The following FANCL variants were observed in gnomAD, a reference collection of about 807,000 sequenced individuals.
The protein encoded by FANCL is FA complementation group L.
A neutral mutation model predicts 59.4 loss-of-function variants in FANCL; 69 were observed. That is an observed-to-expected ratio of 1.16 (90% CI 0.96 to 1.42). FANCL has a LOEUF of 1.42. Among genes scored for constraint, FANCL ranks in the 40% most tolerant of loss-of-function variants. FANCL has a pLI of 0.00. For synonymous variants in FANCL, 180 were observed against 147.1 expected, an observed-to-expected ratio of 1.22 and a Z score of -1.62; for missense variants, 519 against 447.2, an observed-to-expected ratio of 1.16 and a Z score of -1.45.
At chr2:58,189,285 A>T (rs984799176) in intron 7 of FANCL, among the ~76,000 whole-genome samples, 4 of 152,178 alleles carry the variant, frequency 2.6e-5, no homozygotes, top group Non-Finnish European at 4.4e-5. Flanking sequence ...AAAGCTATTT[A>T]AAAAACCAGT....
intron 5 of FANCL, among the ~76,000 whole-genome samples, chr2:58,218,373 TTAAA>T (rs1383641380): frequency 2.0e-5 from 3 of 151,862 alleles, no homozygotes; most frequent in African/African-American, 7.2e-5. Context: ...TTGAAAAAAC[TTAAA>T]TAATTGATAT....
At chr2:58,163,777 T>C (rs1352597914) in intron 8 of FANCL, among the ~76,000 whole-genome samples, 2 of 152,044 alleles carry the variant, frequency 1.3e-5, no homozygotes, top group Middle Eastern at 3.2e-3. Flanking sequence ...TCTGGTCAAC[T>C]GTATTAAAGT....
chr2:58,181,294 G>A (rs940173975), intron 7 of FANCL, among the ~76,000 whole-genome samples: 1 of 152,068 alleles, frequency 6.6e-6, no homozygotes, highest in Non-Finnish European at 1.5e-5. Flanking sequence ...ATAAGCCTAT[G>A]TAGGAAAGAG....
chr2:58,212,907 A>G (rs188503140), intron 5 of FANCL, among the ~76,000 whole-genome samples: 1 of 152,358 alleles, frequency 6.6e-6, no homozygotes, highest in African/African-American at 2.4e-5. Flanking sequence ...TATTATTTCC[A>G]TATTTCTTTC....
At chr2:58,172,007 A>G (rs1245151155) in intron 7 of FANCL, among the ~76,000 whole-genome samples, 1 of 152,226 alleles carries the variant, frequency 6.6e-6, no homozygotes, top group African/African-American at 2.4e-5. Flanking sequence ...CTAGCACAGC[A>G]GTCTAAGATC....
At chr2:58,218,531 T>C (rs1227853379) in intron 5 of FANCL, among the ~76,000 whole-genome samples, 4 of 151,848 alleles carry the variant, frequency 2.6e-5, no homozygotes, top group African/African-American at 9.7e-5. Context: ...ACAATCTGTG[T>C]TACAAATATG....
intron 5 of FANCL, among the ~76,000 whole-genome samples, chr2:58,217,631 A>G (rs1691983675): frequency 6.6e-6 from 1 of 152,042 alleles, no homozygotes; most frequent in Admixed American, 6.5e-5. Flanking sequence ...AGGGAAAACC[A>G]ACAAGGAAGA....
chr2:58,187,719 T>C (rs1688545033), intron 7 of FANCL, among the ~76,000 whole-genome samples: 1 of 152,166 alleles, frequency 6.6e-6, no homozygotes, highest in African/African-American at 2.4e-5. Flanking sequence ...AATAAATTTA[T>C]ATAAAGCTTT....
intron 11 of FANCL, 28 bp from the exon 12 acceptor site, chr2:58,161,666 C>T (rs945542654): frequency 1.7e-5 from 25 of 1,432,202 alleles, no homozygotes; most frequent in African/African-American, 4.2e-5. Flanking sequence ...TTATAAAAAG[C>T]GTATGTGTCT....
intron 4 of FANCL, among the ~76,000 whole-genome samples, chr2:58,223,358 T>G (rs1573784285): frequency 6.6e-6 from 1 of 152,002 alleles, no homozygotes; most frequent in African/African-American, 2.4e-5. Context: ...CTACTAGTTA[T>G]TAAATAAAAT....
In FANCL at chr2:58,165,775, G is replaced by C. The variant is rs765926796; in HGVS notation, c.640C>G (p.Leu214Val). ...MDEIDEKTWV[L>V]EPEKPPRSAT... ...CTCCGTGGAGGTTTTTCTGGCTCAA[G>C]TACCCAGGTCTTCTCATCGATTTCA... Residue 214 changes from leucine (L) to valine (V), a missense_variant, in exon 8 of 14, where the codon CTT becomes GTT. Transcript: ENST00000233741. 1.9e-6 allele frequency: 3 copies of C among 1,614,054 alleles called. No homozygotes were observed. Among genetic ancestry groups the C allele is most frequent in the Non-Finnish European group, 2.5e-6 (3 of 1,179,984 alleles).
At chr2:58,170,366 T>C (rs577268399) in intron 7 of FANCL, among the ~76,000 whole-genome samples, 1 of 152,306 alleles carries the variant, frequency 6.6e-6, no homozygotes, top group South Asian at 2.1e-4. Context: ...AGGCCTGCCT[T>C]ACAAGAGCTC....
At chr2:58,220,163 G>C (rs1692326921) in intron 5 of FANCL, among the ~76,000 whole-genome samples, 3 of 152,226 alleles carry the variant, frequency 2.0e-5, no homozygotes, top group Non-Finnish European at 2.9e-5. Context: ...ATCCGAGGCT[G>C]TAATTTTTAT....
chr2:58,233,454 A>T (rs1693754815), intron 1 of FANCL, among the ~76,000 whole-genome samples: 2 of 152,092 alleles, frequency 1.3e-5, no homozygotes, highest in Admixed American at 6.6e-5. Flanking sequence ...CCAGGCTTTC[A>T]GGCAACAGAA....
intron 7 of FANCL, among the ~76,000 whole-genome samples, chr2:58,167,222 A>C (rs1686045923): frequency 6.6e-6 from 1 of 152,190 alleles, no homozygotes; most frequent in African/African-American, 2.4e-5. Context: ...AAAAGAAAAA[A>C]AAGGTGTGAA....
chr2:58,202,077 C>T (rs1437038393), intron 6 of FANCL, among the ~76,000 whole-genome samples: 2 of 151,328 alleles, frequency 1.3e-5, no homozygotes, highest in Admixed American at 6.6e-5. Flanking sequence ...GACTGACAAT[C>T]GCAGGCCCAA....
intron 1 of FANCL, among the ~76,000 whole-genome samples, chr2:58,233,299 C>T (rs1693745712): frequency 6.6e-6 from 1 of 151,908 alleles, no homozygotes; most frequent in South Asian, 2.1e-4. Flanking sequence ...TTCCAAAGTC[C>T]CTTATTTGCA....
intron 9 of FANCL, 73 bp downstream of exon 9, chr2:58,163,361 T>G (rs1396724209): frequency 3.9e-6 from 4 of 1,016,042 alleles, no homozygotes; most frequent in African/African-American, 1.6e-5. Context: ...ACTAATATTG[T>G]CTAATAATTT....
intron 9 of FANCL, 159 bp downstream of exon 9, chr2:58,163,275 C>G: frequency 1.4e-6 from 1 of 724,624 alleles, no homozygotes; most frequent in Non-Finnish European, 2.4e-6. Context: ...GAACCGAGAT[C>G]GCGCCATTAC....
Sources: gnomAD v4.1 joint callset for allele counts (sites outside exome capture counted in the v4.1 genomes callset) on GRCh38, gnomAD v4.1.1 for gene constraint, MANE v1.5 for transcripts, NCBI Gene and HGNC (gene_info 2026-07-23, HGNC 2026-07-21) for gene names.